The following GPC6 variants were observed in gnomAD, a reference collection of about 807,000 sequenced individuals.
The protein encoded by GPC6 is glypican-6.
Under a neutral mutation model 55.2 loss-of-function variants are expected in GPC6, and 14 were observed. The observed-to-expected ratio is 0.25, with a 90% CI of 0.17 to 0.40. GPC6 has a LOEUF of 0.40. GPC6 is among the 10% of genes least tolerant of loss of function. GPC6 has a pLI of 1.00. For missense variants in GPC6, 641 were observed against 708.5 expected, an observed-to-expected ratio of 0.90 and a Z score of 1.08; for synonymous variants, 278 against 259.6, an observed-to-expected ratio of 1.07 and a Z score of -0.68.
At chr13:93,541,861 T>C (rs1289883032) in intron 1 of GPC6, among the ~76,000 whole-genome samples, 7 of 151,614 alleles carry the variant, frequency 4.6e-5, no homozygotes, top group Admixed American at 4.6e-4. Flanking sequence ...TTTGCCCACT[T>C]TTTGATGGGG....
intron 4 of GPC6, among the ~76,000 whole-genome samples, chr13:94,252,640 G>T (rs183472443): frequency 1.7e-4 from 26 of 152,158 alleles, no homozygotes; most frequent in Non-Finnish European, 2.9e-4. Flanking sequence ...GTCTCTTAGT[G>T]TGTGTTATCT....
At position 93,717,516 on chromosome 13, in the gene GPC6, C is replaced by T. The variant is rs565617638; in HGVS notation, c.320-112638C>T. 6.6e-5 allele frequency among the ~76,000 whole-genome samples: 10 copies of T among 151,734 alleles called. No individual in the cohort carries two copies. In the South Asian group the frequency reaches 1.7e-3, roughly 25 times the overall value. On this transcript the variant is annotated intron_variant, in intron 2 of 8. Coordinates refer to ENST00000377047, the MANE Select transcript of GPC6 (RefSeq NM_005708.5). ...AATGAATATATGTGGATAAAAATGG[C>T]ATCATCTATTAAATATATGCCTAAT... is the stretch of plus-strand genomic sequence containing the variant.
chr13:93,254,058 T>C (rs1876871408), intron 1 of GPC6, among the ~76,000 whole-genome samples: 1 of 152,156 alleles, frequency 6.6e-6, no homozygotes, highest in Admixed American at 6.6e-5. Flanking sequence ...GCATGGTGGC[T>C]CACGCCTATA....
At chr13:93,664,124 CAAT>C (rs1292088155) in intron 2 of GPC6, among the ~76,000 whole-genome samples, 15 of 151,942 alleles carry the variant, frequency 9.9e-5, no homozygotes, top group African/African-American at 7.2e-5. Flanking sequence ...ACTTGGTAAA[CAAT>C]AAAAAATGAT....
chr13:93,530,570 C>T lies in GPC6; in HGVS notation c.161-14693C>T, dbSNP rs570782882. ...CAACAATATATAGTACTCTTAGCTCCGAGGAGTGGCATGCTAGAACCGGCG... is the reference window on the plus strand; with the variant it reads ...CAACAATATATAGTACTCTTAGCTCTGAGGAGTGGCATGCTAGAACCGGCG... On this transcript the variant is annotated intron_variant, in intron 1 of 8. Coordinates refer to ENST00000377047, the MANE Select transcript of GPC6 (RefSeq NM_005708.5). 7.9e-5 allele frequency among the ~76,000 whole-genome samples: 12 copies of T among 152,068 alleles called. No homozygotes were observed. The East Asian group carries it at 1.7e-3, about 22-fold the overall frequency.
At chr13:93,486,000 C>T (rs1421068093) in intron 1 of GPC6, among the ~76,000 whole-genome samples, 2 of 152,038 alleles carry the variant, frequency 1.3e-5, no homozygotes, top group African/African-American at 4.8e-5. Flanking sequence ...GAAATATGTA[C>T]ACTTTAGGGT....
chr13:93,578,712 TC>T (rs1422064955), intron 2 of GPC6, among the ~76,000 whole-genome samples: 2 of 151,848 alleles, frequency 1.3e-5, no homozygotes, highest in East Asian at 1.9e-4. Flanking sequence ...TTACTTTTTT[TC>T]CTTCTCCGAG....
At chr13:93,916,595 G>C (rs990137079) in intron 3 of GPC6, among the ~76,000 whole-genome samples, 12 of 152,094 alleles carry the variant, frequency 7.9e-5, no homozygotes, top group Admixed American at 1.3e-4. Context: ...TAATATAGTT[G>C]AAATAACTTG....
chr13:93,374,503 C>T (rs1006796036), intron 1 of GPC6, among the ~76,000 whole-genome samples: 5 of 151,944 alleles, frequency 3.3e-5, no homozygotes, highest in Admixed American at 6.6e-5. Context: ...TTAATAAGTA[C>T]GAGTAATATT....
chr13:93,219,333 C>T, the GPC6 span, among the ~76,000 whole-genome samples: 1 of 152,126 alleles, frequency 6.6e-6, no homozygotes. Context: ...ATCTCATGAT[C>T]CACCCGCCTT....
intron 2 of GPC6, among the ~76,000 whole-genome samples, chr13:93,807,133 T>A (rs1886566039): frequency 6.6e-6 from 1 of 152,196 alleles, no homozygotes; most frequent in African/African-American, 2.4e-5. Flanking sequence ...TGTATAGCAA[T>A]TAAACACTGG....
intron 6 of GPC6, among the ~76,000 whole-genome samples, chr13:94,380,743 G>A (rs1322377187): frequency 6.6e-6 from 1 of 152,162 alleles, no homozygotes; most frequent in Non-Finnish European, 1.5e-5. Flanking sequence ...ATCTAATAGA[G>A]AGCCAGCATA....
At chr13:93,527,154 A>G (rs923906059) in intron 1 of GPC6, among the ~76,000 whole-genome samples, 6 of 152,110 alleles carry the variant, frequency 3.9e-5, no homozygotes, top group African/African-American at 1.4e-4. Flanking sequence ...ACTGCAGTCA[A>G]GCAACTTATC....
At chr13:93,823,694 G>A (rs773819656) in intron 2 of GPC6, among the ~76,000 whole-genome samples, 4 of 151,970 alleles carry the variant, frequency 2.6e-5, no homozygotes, top group Non-Finnish European at 5.9e-5. Flanking sequence ...CCATATTACT[G>A]GCATTTTTAA....
chr13:93,412,567 A>C (rs550199265), intron 1 of GPC6, among the ~76,000 whole-genome samples: 33 of 152,252 alleles, frequency 2.2e-4, no homozygotes, highest in African/African-American at 7.7e-4. Context: ...TGAAGCAGGA[A>C]TATTGCTTGA....
chr13:93,405,426 C>G (rs1467222571), intron 1 of GPC6, among the ~76,000 whole-genome samples: 1 of 152,142 alleles, frequency 6.6e-6, no homozygotes, highest in East Asian at 1.9e-4. Flanking sequence ...TTAGAGAAAT[C>G]CTTTCGCCGC....
intron 4 of GPC6, among the ~76,000 whole-genome samples, chr13:94,261,322 T>C (rs760800072): frequency 4.6e-4 from 70 of 152,274 alleles, no homozygotes; most frequent in Admixed American, 2.5e-3. Flanking sequence ...TGTTAATGGT[T>C]TGGGCAACAG....
intron 2 of GPC6, among the ~76,000 whole-genome samples, chr13:93,588,352 C>T (rs927899614): frequency 6.6e-6 from 1 of 151,510 alleles, no homozygotes; most frequent in African/African-American, 2.4e-5. Context: ...GCTTTTAAAA[C>T]AAGAGTGGCT....
chr13:93,757,572 G>T (rs1046816574), intron 2 of GPC6, among the ~76,000 whole-genome samples: 2 of 152,102 alleles, frequency 1.3e-5, no homozygotes, highest in African/African-American at 2.4e-5. Flanking sequence ...AGTGAACATT[G>T]CTTGGTTATT....
Sources: allele counts gnomAD v4.1 joint callset (sites outside exome capture counted in the v4.1 genomes callset), GRCh38; gene constraint gnomAD v4.1.1; transcripts MANE v1.5; gene names NCBI Gene and HGNC (gene_info 2026-07-23, HGNC 2026-07-21).